Variants in TRAPPC3L observed in about 807,000 individuals in gnomAD.
TRAPPC3L encodes the protein trafficking protein particle complex subunit 3L.
In TRAPPC3L, 23 loss-of-function variants were observed where a neutral mutation model predicts 23.7. That is an observed-to-expected ratio of 0.97 (90% CI 0.70 to 1.37). The LOEUF (loss-of-function observed/expected upper bound fraction) is 1.37, where lower values mean the gene tolerates loss of function less well. TRAPPC3L is among the 40% of genes most tolerant of loss of function. The pLI, the probability that TRAPPC3L is intolerant of heterozygous loss-of-function variation, is 0.00. For missense variants in TRAPPC3L, 212 were observed against 216.8 expected, an observed-to-expected ratio of 0.98 and a Z score of 0.14; for synonymous variants, 81 against 77.9, an observed-to-expected ratio of 1.04 and a Z score of -0.21.
intron 3 of TRAPPC3L, among the ~76,000 whole-genome samples, chr6:116,503,431 C>G (rs527564765): frequency 6.6e-6 from 1 of 152,148 alleles, no homozygotes; most frequent in Non-Finnish European, 1.5e-5. Flanking sequence ...TAATGGAAGA[C>G]TTTGACACCT....
intron 3 of TRAPPC3L, among the ~76,000 whole-genome samples, chr6:116,500,923 A>T (rs1043923103): frequency 5.3e-5 from 8 of 152,216 alleles, no homozygotes; most frequent in South Asian, 2.1e-4. Flanking sequence ...AGTGAGATCA[A>T]TGGAGAAGAT....
intron 3 of TRAPPC3L, chr6:116,516,454 G>A (rs1302634411): frequency 6.6e-6 from 1 of 152,112 alleles, no homozygotes; most frequent in African/African-American, 2.4e-5. Flanking sequence ...ATGAAATTGT[G>A]GAATTCATTC....
At chr6:116,506,427 T>A (rs938952880) in intron 3 of TRAPPC3L, among the ~76,000 whole-genome samples, 32 of 152,194 alleles carry the variant, frequency 2.1e-4, no homozygotes, top group African/African-American at 7.0e-4. Flanking sequence ...GAGTGTAAAT[T>A]AGTTCAACAA....
intron 3 of TRAPPC3L, among the ~76,000 whole-genome samples, chr6:116,513,880 T>G (rs1279580754): frequency 6.6e-6 from 1 of 152,192 alleles, no homozygotes; most frequent in Non-Finnish European, 1.5e-5. Context: ...GTTTGTATGC[T>G]GATGCTACCA....
intron 2 of TRAPPC3L, among the ~76,000 whole-genome samples, chr6:116,542,380 G>A (rs1007441748): frequency 7.2e-5 from 11 of 152,102 alleles, no homozygotes; most frequent in African/African-American, 1.9e-4. Context: ...AAAAATGAGA[G>A]TTTTTTAAAA....
intron 3 of TRAPPC3L, among the ~76,000 whole-genome samples, chr6:116,535,272 A>G (rs1392658181): frequency 6.6e-6 from 1 of 152,246 alleles, no homozygotes. Flanking sequence ...AGCTTAAGCA[A>G]CTTGCTTGGA....
At chr6:116,538,895 A>C (rs999282735) in intron 3 of TRAPPC3L, among the ~76,000 whole-genome samples, 22 of 151,954 alleles carry the variant, frequency 1.4e-4, no homozygotes, top group Non-Finnish European at 3.2e-4. Context: ...ACGCCCGGCT[A>C]ATTTTTGTAT....
chr6:116,500,833 G>A (rs1463720044), intron 3 of TRAPPC3L, among the ~76,000 whole-genome samples, 167 bp from the exon 4 acceptor site: 1 of 152,188 alleles, frequency 6.6e-6, no homozygotes, highest in Middle Eastern at 3.2e-3. Flanking sequence ...TTGATCCTAT[G>A]ATGTGAAATT....
intron 3 of TRAPPC3L, among the ~76,000 whole-genome samples, chr6:116,530,902 C>CACATATATAT: frequency 1.3e-5 from 1 of 76,484 alleles, no homozygotes; most frequent in Non-Finnish European, 2.4e-5. Context: ...AAGTGAGACT[C>CACATATATAT]ATATATATAT....
Position 116,515,868 on chromosome 6 carries a change from C to T in TRAPPC3L, c.241-15202G>A, listed in dbSNP as rs1331946406. 4 of 1,613,862 alleles carry T rather than the reference C, an allele frequency of 2.5e-6. No individual in the cohort carries two copies. In the African/African-American group the frequency reaches 4.0e-5, roughly 16 times the overall value. On this transcript the variant is annotated intron_variant, in intron 3 of 4. Coordinates refer to ENST00000368602, the MANE Select transcript of TRAPPC3L (RefSeq NM_001139444.3). ...TGGGAGGCTGCTTCAGAGCTGCATTCTTTCCACCAAAGCCAGCAACACTAT... is the reference window on the plus strand; with the variant it reads ...TGGGAGGCTGCTTCAGAGCTGCATTTTTTCCACCAAAGCCAGCAACACTAT...
Position 116,497,047 on chromosome 6 carries a change from G to A in TRAPPC3L, c.453C>T (p.Phe151=), listed in dbSNP as rs2637666. ...EMVHLAADVT[F]LQDRLKGDSV... ...TGTCACCTTTTAGTCTGTCTTGCAA[G>A]AATGTAACATCAGCCGCCAAATGAA... The change falls in exon 5 of 5, where the codon TTC becomes TTT. Residue 151 remains phenylalanine, a synonymous_variant. Transcript: ENST00000368602. 1.9e-6 allele frequency: 3 copies of A among 1,543,064 alleles called. No individual in the cohort carries two copies. The highest frequency in any genetic ancestry group is 2.5e-5 in the East Asian group (1 of 40,162).
rs538437376 is a variant in TRAPPC3L at position 116,506,237 on chromosome 6, T to C, written c.241-5571A>G. On this transcript the variant is annotated intron_variant, in intron 3 of 4. Transcript: ENST00000368602. ...AACAGACACTTGTCAAAAAAAGACA[T>C]TTATGCAGCCAACAGACATGAAAAA... is the stretch of plus-strand genomic sequence containing the variant. Among the ~76,000 whole-genome samples, 3 of 152,258 alleles carry C rather than the reference T, an allele frequency of 2.0e-5. No individual in the cohort carries two copies. In the South Asian group the frequency reaches 6.2e-4, roughly 32 times the overall value.
intron 4 of TRAPPC3L, 129 bp downstream of exon 4, chr6:116,500,352 G>A: frequency 1.2e-6 from 1 of 819,038 alleles, no homozygotes; most frequent in Non-Finnish European, 1.8e-6. Flanking sequence ...TACATTTTGG[G>A]GGTAATTTGT....
At chr6:116,502,998 T>C (rs530188264) in intron 3 of TRAPPC3L, among the ~76,000 whole-genome samples, 150 of 152,326 alleles carry the variant, frequency 9.8e-4, no homozygotes, top group African/African-American at 3.5e-3. Context: ...AGCATCATAA[T>C]GACAGGATCA....
chr6:116,539,964 C>A (rs1002662200), intron 3 of TRAPPC3L, among the ~76,000 whole-genome samples: 3 of 152,136 alleles, frequency 2.0e-5, no homozygotes, highest in South Asian at 4.2e-4. Context: ...AAACAATACT[C>A]TGGGAATGAC....
chr6:116,526,432 A>C (rs1772439993), intron 3 of TRAPPC3L, among the ~76,000 whole-genome samples: 1 of 152,206 alleles, frequency 6.6e-6, no homozygotes. Flanking sequence ...CTTGTTCTAA[A>C]CAGTGGAGGC....
chr6:116,505,770 AG>A (rs1358773952), intron 3 of TRAPPC3L, among the ~76,000 whole-genome samples: 40 of 152,380 alleles, frequency 2.6e-4, no homozygotes, highest in African/African-American at 9.4e-4. Context: ...AAATAGGGAA[AG>A]GATTCCCTGT....
Position 116,509,765 on chromosome 6 carries a change from G to C in TRAPPC3L, c.241-9099C>G, listed in dbSNP as rs141659068. 2.9e-3 allele frequency among the ~76,000 whole-genome samples: 439 copies of C among 152,192 alleles called. 3 individuals carry two copies. Among genetic ancestry groups the C allele is most frequent in the African/African-American group, 0.01 (428 of 41,534 alleles). ...AAAAACTCTTCTGGACATTGGCCTA[G>C]GCAAGGAATTTATGACTAAGACCCA... On this transcript the variant is annotated intron_variant, in intron 3 of 4. Coordinates refer to ENST00000368602, the MANE Select transcript of TRAPPC3L (RefSeq NM_001139444.3).
chr6:116,500,563 A>G lies in TRAPPC3L; in HGVS notation c.344T>C (p.Phe115Ser). The G allele has an allele frequency of 6.4e-7, 1 of 1,551,698 alleles. No individual in the cohort carries two copies. The highest frequency in any genetic ancestry group is 8.7e-7 in the Non-Finnish European group (1 of 1,146,988). Residue 115 changes from phenylalanine (F) to serine (S), a missense_variant, in exon 4 of 5, where the codon TTT (phenylalanine) becomes TCT (serine). By Grantham distance (155) the Phe-to-Ser change is radical. Coordinates refer to ENST00000368602, the MANE Select transcript of TRAPPC3L (RefSeq NM_001139444.3). ...TCGCCCAGCAGGGAGCTCTTCCACA[A>G]ACTCCACCAGGGGATTCTTCTCTAG... ...LILEKNPLVE[F>S]VEELPAGRSS...
Sources: gnomAD v4.1 joint callset for allele counts (sites outside exome capture counted in the v4.1 genomes callset) on GRCh38, gnomAD v4.1.1 for gene constraint, MANE v1.5 for transcripts, NCBI Gene and HGNC (gene_info 2026-07-23, HGNC 2026-07-21) for gene names.